The following HMCN1 variants were observed in gnomAD, a reference collection of about 807,000 sequenced individuals.
HMCN1 encodes hemicentin 1, also known as hemicentin-1.
A neutral mutation model predicts 625.9 loss-of-function variants in HMCN1; 321 were observed. That is an observed-to-expected ratio of 0.51 (90% confidence interval 0.47 to 0.56). The LOEUF (loss-of-function observed/expected upper bound fraction) is 0.56, where lower values mean the gene tolerates loss of function less well. Among genes scored for constraint, HMCN1 ranks in the 20% least tolerant of loss-of-function variants. The probability of loss-of-function intolerance (pLI) is 0.00; values close to 1 mark genes in which losing one functional copy is unlikely to be tolerated. For synonymous variants in HMCN1, 2,425 were observed against 2,417.6 expected (o/e 1.00, Z -0.09); for missense variants, 6,588 against 6,887.3 (o/e 0.96, Z 1.54).
At chr1:186,037,051 T>C (rs1037230256) in intron 36 of HMCN1, among the ~76,000 whole-genome samples, 6 of 152,176 alleles carry the variant, frequency 3.9e-5, no homozygotes, top group Non-Finnish European at 8.8e-5. Flanking sequence ...CTTTCCCCCT[T>C]TCCTGTTTTT....
chr1:186,120,139 G>C lies in HMCN1; in HGVS notation c.12223G>C (p.Val4075Leu). 1 of 1,613,732 alleles carries C rather than the reference G, an allele frequency of 6.2e-7. No homozygotes were observed. Among genetic ancestry groups the C allele is most frequent in the Non-Finnish European group, 8.5e-7 (1 of 1,179,840 alleles). ...GTALGKIKLN[V>L]QVPPVISPHL... ...AGCCTTGGGCAAAATCAAGTTAAAT[G>C]TCCAAGGTACCTAAATAATTCATCT... The change falls in exon 80 of 107, where the codon GTC (valine) becomes CTC (leucine). Residue 4075 changes from valine (V) to leucine (L), a missense_variant. Transcript: ENST00000271588.
chr1:186,073,645 A>C (rs566803538), intron 52 of HMCN1, among the ~76,000 whole-genome samples: 2 of 152,196 alleles, frequency 1.3e-5, no homozygotes, highest in Admixed American at 1.3e-4. Context: ...ATAAAGGGAG[A>C]GGAGGCAAAA....
At position 186,166,829 on chromosome 1, in the gene HMCN1, G is replaced by A. The variant is rs1449128357; in HGVS notation, c.15461G>A (p.Gly5154Asp). The A allele has an allele frequency of 6.2e-7, 1 of 1,614,134 alleles. No homozygotes were observed. The highest frequency in any genetic ancestry group is 8.5e-7 in the Non-Finnish European group (1 of 1,180,018). Residue 5154 changes from glycine (G) to aspartate (D), a missense_variant, in exon 100 of 107, where the codon GGT (glycine) becomes GAT (aspartate). Around this residue, in one of 3 missense-constraint regions of HMCN1, gnomAD observed 1,954 missense variants for 2,013.1 expected, o/e 0.97. Coordinates refer to ENST00000271588, the MANE Select transcript of HMCN1 (RefSeq NM_031935.3). The stretch of plus-strand genomic sequence containing the variant: ...GCAGATATTGATGAGTGTGCTTTGG[G>A]TAGGCATACCTGCCACGCTGGTCAG... The part of the protein sequence containing the change: ...TCQDIDECAL[G>D]RHTCHAGQDC...
At position 186,018,262 on chromosome 1, in the gene HMCN1, C is replaced by T; in HGVS notation, c.5380C>T (p.Gln1794Ter). The T allele has an allele frequency of 1.9e-6, 3 of 1,612,828 alleles. No homozygotes were observed. The highest frequency in any genetic ancestry group is 2.2e-5 in the East Asian group (1 of 44,848). ...LLNGRKLVIA[Q>*]AQVSNTGLYR... is the part of the protein sequence containing the mutation. ...AAATGGACGCAAACTGGTTATTGCTCAGGCTCAAGTGTCAAACACAGGCCT... is the reference window on the plus strand; with the variant it reads ...AAATGGACGCAAACTGGTTATTGCTTAGGCTCAAGTGTCAAACACAGGCCT... The change falls in exon 34 of 107, where the codon CAG becomes TAG. Residue 1794 changes from glutamine to a stop codon, truncating the protein, a stop_gained. Coordinates refer to ENST00000271588, the MANE Select transcript of HMCN1 (RefSeq NM_031935.3). LOFTEE classifies it high-confidence loss of function.
chr1:186,052,330 G>T (rs1657009947), intron 42 of HMCN1, among the ~76,000 whole-genome samples: 1 of 152,010 alleles, frequency 6.6e-6, no homozygotes, highest in African/African-American at 2.4e-5. Context: ...AGCCAAGGAA[G>T]TGTCCTTAAG....
intron 11 of HMCN1, among the ~76,000 whole-genome samples, chr1:185,939,356 C>G (rs1037793538): frequency 6.6e-6 from 1 of 152,160 alleles, no homozygotes; most frequent in Non-Finnish European, 1.5e-5. Flanking sequence ...AAGGAATCCC[C>G]TCAAGCAGGG....
At chr1:186,003,671 C>G in intron 28 of HMCN1, 47 bp from the exon 29 acceptor site, 1 of 1,606,400 alleles carries the variant, frequency 6.2e-7, no homozygotes, top group Non-Finnish European at 8.5e-7. Flanking sequence ...CATGCCTGCT[C>G]TTTTTGCTGA....
chr1:185,948,486 A>G (rs976883888), intron 11 of HMCN1, among the ~76,000 whole-genome samples: 5 of 150,974 alleles, frequency 3.3e-5, no homozygotes, highest in African/African-American at 1.2e-4. Flanking sequence ...GGGGGTCGCA[A>G]GGTGCTCAGT....
chr1:186,182,093 T>G, intron 104 of HMCN1, 75 bp from the exon 105 acceptor site: 2 of 1,551,864 alleles, frequency 1.3e-6, no homozygotes, highest in Middle Eastern at 3.5e-4. Flanking sequence ...ATCAACAACT[T>G]GATGAGAGTT....
Position 186,114,942 on chromosome 1 carries a change from C to G in HMCN1, c.11400C>G (p.Val3800=), listed in dbSNP as rs376420678. The part of the protein sequence containing the change: ...GTDRRRIDLQ[V]HVPPSIAPGP... ...ATCGCAGGCGAATAGATTTACAGGT[C>G]CATGGTAAATATCCGTTTATAGACA... The change falls in exon 74 of 107, where the codon GTC becomes GTG. Residue 3800 remains valine (V), a synonymous_variant. Transcript: ENST00000271588. The G allele has an allele frequency of 2.9e-5, 46 of 1,613,990 alleles. No individual in the cohort carries two copies. Among genetic ancestry groups the G allele is most frequent in the Non-Finnish European group, 3.7e-5 (44 of 1,180,010 alleles).
At chr1:186,072,515 G>A (rs751404808) in intron 52 of HMCN1, among the ~76,000 whole-genome samples, 1 of 152,110 alleles carries the variant, frequency 6.6e-6, no homozygotes, top group African/African-American at 2.4e-5. Flanking sequence ...GTTTAGGAAG[G>A]CAAAACTAAA....
chr1:185,981,697 A>C (rs552519065), intron 17 of HMCN1, among the ~76,000 whole-genome samples: 1 of 152,200 alleles, frequency 6.6e-6, no homozygotes, highest in East Asian at 1.9e-4. Context: ...GTCTACATAC[A>C]CGTTTTCCAA....
chr1:186,081,322 C>T lies in HMCN1; in HGVS notation c.8715C>T (p.Ser2905=), dbSNP rs1399374027. 1 of 1,613,648 alleles carries T rather than the reference C, an allele frequency of 6.2e-7. No homozygotes were observed. The highest frequency in any genetic ancestry group is 8.5e-7 in the Non-Finnish European group (1 of 1,179,808). The change falls in exon 56 of 107, where the codon TCC becomes TCT. Residue 2905 remains serine, a synonymous_variant. Coordinates refer to ENST00000271588, the MANE Select transcript of HMCN1 (RefSeq NM_031935.3). ...GTGGCAGCCCAGCACCAAGGAATTC[C>T]TGGCAGAAAGATGGACAGCCCTTGC... The part of the protein sequence containing the change: ...LSSGSPAPRN[S]WQKDGQPLLE...
At chr1:186,096,605 C>G (rs558887988) in intron 68 of HMCN1, among the ~76,000 whole-genome samples, 1 of 152,090 alleles carries the variant, frequency 6.6e-6, no homozygotes, top group African/African-American at 2.4e-5. Context: ...AAGAAAACTA[C>G]AACCCAATAT....
At chr1:186,186,663 T>C (rs529385284) in intron 105 of HMCN1, among the ~76,000 whole-genome samples, 1 of 152,134 alleles carries the variant, frequency 6.6e-6, no homozygotes, top group African/African-American at 2.4e-5. Context: ...TTGCAATCTG[T>C]TTTTGTAAAT....
chr1:185,964,799 T>C (rs1650283529), intron 13 of HMCN1, among the ~76,000 whole-genome samples: 2 of 152,020 alleles, frequency 1.3e-5, no homozygotes, highest in Admixed American at 1.3e-4. Context: ...TGAGTGGGAT[T>C]TGAAAGGTTG....
intron 68 of HMCN1, among the ~76,000 whole-genome samples, chr1:186,098,896 C>T (rs1380762414): frequency 1.3e-5 from 2 of 152,034 alleles, no homozygotes; most frequent in Non-Finnish European, 2.9e-5. Context: ...ACCTGGAGAA[C>T]ATTAAACTAT....
intron 19 of HMCN1, 37 bp downstream of exon 19, chr1:185,984,350 T>C: frequency 1.2e-6 from 2 of 1,601,678 alleles, no homozygotes; most frequent in Non-Finnish European, 1.7e-6. Flanking sequence ...TTCGAAACTG[T>C]GTTCAAAGTA....
At chr1:185,836,522 T>C (rs1199286638) in intron 1 of HMCN1, among the ~76,000 whole-genome samples, 2 of 152,214 alleles carry the variant, frequency 1.3e-5, no homozygotes, top group African/African-American at 2.4e-5. Context: ...TAGAGAATTA[T>C]ATGTTTTTAA....
Sources: allele counts gnomAD v4.1 joint callset (sites outside exome capture counted in the v4.1 genomes callset), GRCh38; gene constraint gnomAD v4.1.1; regional missense constraint gnomAD v4.1.1; transcripts MANE v1.5; gene names NCBI Gene and HGNC (gene_info 2026-07-23, HGNC 2026-07-21).